TNFRSF19: variants seen among roughly 807,000 people sequenced by gnomAD.
TNFRSF19 encodes the protein TNF receptor superfamily member 19.
In TNFRSF19, 27 loss-of-function variants were observed where a neutral mutation model predicts 46.4. That is an observed-to-expected ratio of 0.58 (90% CI 0.43 to 0.80). The LOEUF (loss-of-function observed/expected upper bound fraction) is 0.80, where lower values mean the gene tolerates loss of function less well. TNFRSF19 is among the 30% of genes least tolerant of loss of function. The pLI, the probability that TNFRSF19 is intolerant of heterozygous loss-of-function variation, is 0.00. For synonymous variants in TNFRSF19, 204 were observed against 205.0 expected, an observed-to-expected ratio of 1.00 and a Z score of 0.04; for missense variants, 511 against 530.8, an observed-to-expected ratio of 0.96 and a Z score of 0.37.
intron 5 of TNFRSF19, among the ~76,000 whole-genome samples, chr13:23,650,453 C>T (rs1883566587): frequency 6.6e-6 from 1 of 152,122 alleles, no homozygotes; most frequent in African/African-American, 2.4e-5. Flanking sequence ...GTGGATGAAC[C>T]TTTAAAACAT....
intron 9 of TNFRSF19, among the ~76,000 whole-genome samples, chr13:23,672,397 A>G (rs1262728009): frequency 6.6e-6 from 1 of 152,230 alleles, no homozygotes; most frequent in East Asian, 1.9e-4. Flanking sequence ...TAAAATGTCA[A>G]CAGGAACAGA....
At chr13:23,669,743 G>A in intron 9 of TNFRSF19, 1 of 981,120 alleles carries the variant, frequency 1.0e-6, no homozygotes, top group Non-Finnish European at 1.2e-6. Flanking sequence ...TGCAAAGCTG[G>A]AGGCAGCAAA....
At chr13:23,622,624 AT>A (rs1881744022) in intron 4 of TNFRSF19, among the ~76,000 whole-genome samples, 1 of 152,180 alleles carries the variant, frequency 6.6e-6, no homozygotes, top group Admixed American at 6.5e-5. Flanking sequence ...AGTAGTGTCT[AT>A]GCTTGATCAT....
chr13:23,621,585 A>T (rs1301180878), intron 4 of TNFRSF19, among the ~76,000 whole-genome samples: 1 of 152,202 alleles, frequency 6.6e-6, no homozygotes, highest in Non-Finnish European at 1.5e-5. Flanking sequence ...GCACTCACTG[A>T]TTGAAGAATT....
intron 5 of TNFRSF19, among the ~76,000 whole-genome samples, chr13:23,641,126 G>C (rs931470444): frequency 2.0e-5 from 3 of 152,160 alleles, no homozygotes; most frequent in Non-Finnish European, 4.4e-5. Flanking sequence ...TATCAGCTGT[G>C]TCTTGCCTGT....
Position 23,668,972 on chromosome 13 carries a change from G to C in TNFRSF19, c.1120G>C (p.Asp374His). Reference protein sequence around the residue: ...SHSENFTAATDLSRYNNTLVE... With the variant: ...SHSENFTAATHLSRYNNTLVE... ...TTCTGAAAACTTTACAGCAGCTACT[G>C]ATTTATCTAGATATAACAACACACT... The change falls in exon 9 of 10, where the codon GAT (aspartate) becomes CAT (histidine). Residue 374 changes from aspartate (D) to histidine (H), a missense_variant. Around this residue, in one of 3 missense-constraint regions of TNFRSF19, gnomAD observed 376 missense variants for 372.7 expected, o/e 1.01. Transcript: ENST00000248484. The C allele has an allele frequency of 6.2e-7, 1 of 1,614,212 alleles. No individual in the cohort carries two copies. The highest frequency in any genetic ancestry group is 1.1e-5 in the South Asian group (1 of 91,082).
chr13:23,647,605 C>T (rs1315945946), intron 5 of TNFRSF19, among the ~76,000 whole-genome samples: 1 of 152,072 alleles, frequency 6.6e-6, no homozygotes, highest in Non-Finnish European at 1.5e-5. Context: ...TGCAATGTTG[C>T]CCAGGCTAGT....
At chr13:23,645,820 C>T (rs74038471) in intron 5 of TNFRSF19, among the ~76,000 whole-genome samples, 300 of 152,218 alleles carry the variant, frequency 2.0e-3, no homozygotes, top group African/African-American at 6.9e-3. Context: ...GCTGGCTTAA[C>T]GGATCCACGT....
chr13:23,648,132 T>C (rs1212066408), intron 5 of TNFRSF19, among the ~76,000 whole-genome samples: 1 of 152,206 alleles, frequency 6.6e-6, no homozygotes, highest in African/African-American at 2.4e-5. Flanking sequence ...AAAAATGCCA[T>C]TGAATTTTGA....
At chr13:23,582,196 T>C (rs7323116) in intron 1 of TNFRSF19, among the ~76,000 whole-genome samples, 36,007 of 134,782 alleles carry the variant, frequency 0.27, 5,022 homozygotes, top group African/African-American at 0.4. Context: ...CTGGCTAACA[T>C]GGTGAAACCC....
intron 7 of TNFRSF19, 61 bp downstream of exon 7, chr13:23,660,551 A>G: frequency 6.3e-7 from 1 of 1,579,848 alleles, no homozygotes; most frequent in Non-Finnish European, 8.6e-7. Flanking sequence ...TGAAGCAGCA[A>G]GAATTGGTCC....
Position 23,673,522 on chromosome 13 carries a change from C to G in TNFRSF19, c.*142C>G, listed in dbSNP as rs1223300330. 5 of 1,330,738 alleles carry G rather than the reference C, an allele frequency of 3.8e-6. No homozygotes were observed. The highest frequency in any genetic ancestry group is 4.9e-6 in the Non-Finnish European group (5 of 1,029,944). 82.4% of individuals were successfully genotyped at this position (1,330,738 alleles called of 1,614,324 possible). On this transcript the variant is annotated 3_prime_UTR_variant, in exon 10 of 10. Coordinates refer to ENST00000248484, the MANE Select transcript of TNFRSF19 (RefSeq NM_148957.4). ...TGAACCAAACTGACGGCATTTGAAG[C>G]CTTTCAGCCAGTTGCTTCTGAGCCA... is the stretch of plus-strand genomic sequence containing the variant.
chr13:23,579,567 G>A (rs1878241790), intron 1 of TNFRSF19: 1 of 152,182 alleles, frequency 6.6e-6, no homozygotes, highest in African/African-American at 2.4e-5. Flanking sequence ...GGCGTCCCGC[G>A]AGGTCTTCAG....
chr13:23,640,864 G>T (rs1252473206), intron 5 of TNFRSF19, among the ~76,000 whole-genome samples: 2 of 151,968 alleles, frequency 1.3e-5, no homozygotes, highest in African/African-American at 4.8e-5. Flanking sequence ...TTTTCTTCAG[G>T]TTCATTTCTA....
chr13:23,588,191 C>T (rs1224887564), intron 1 of TNFRSF19, among the ~76,000 whole-genome samples: 1 of 152,168 alleles, frequency 6.6e-6, no homozygotes, highest in Non-Finnish European at 1.5e-5. Context: ...TATCATTCTG[C>T]CCCATTTAGA....
Position 23,628,509 on chromosome 13 carries a change from C to T in TNFRSF19, c.445+1717C>T, listed in dbSNP as rs184989608. 4.7e-4 allele frequency among the ~76,000 whole-genome samples: 71 copies of T among 152,230 alleles called. No individual in the cohort carries two copies. The East Asian group carries it at 0.013, about 27-fold the overall frequency. On this transcript the variant is annotated intron_variant, in intron 5 of 9. Coordinates refer to ENST00000248484, the MANE Select transcript of TNFRSF19 (RefSeq NM_148957.4). ...AGCCCAGACTGCTGCACAGAGATTC[C>T]GTGAAGTCAGTATTACCACTTTAGA...
chr13:23,597,238 C>T (rs1051491056), intron 3 of TNFRSF19, among the ~76,000 whole-genome samples: 7 of 151,968 alleles, frequency 4.6e-5, no homozygotes, highest in Non-Finnish European at 8.8e-5. Flanking sequence ...CAGGAAACAA[C>T]TAAGATCAGA....
intron 5 of TNFRSF19, among the ~76,000 whole-genome samples, chr13:23,643,037 C>A (rs952082221): frequency 2.0e-5 from 3 of 152,206 alleles, no homozygotes; most frequent in East Asian, 1.9e-4. Flanking sequence ...AGCAACTATT[C>A]TTTGTAATTA....
chr13:23,657,402 G>A (rs1270225477), intron 5 of TNFRSF19, among the ~76,000 whole-genome samples: 2 of 152,124 alleles, frequency 1.3e-5, no homozygotes, highest in South Asian at 4.1e-4. Context: ...TTGTGTTTAG[G>A]TGCCATCTTG....
Sources: gnomAD v4.1 joint callset for allele counts (sites outside exome capture counted in the v4.1 genomes callset) on GRCh38, gnomAD v4.1.1 for gene constraint, gnomAD v4.1.1 regional missense constraint, MANE v1.5 for transcripts, NCBI Gene and HGNC (gene_info 2026-07-23, HGNC 2026-07-21) for gene names.